Variants in DNAJB12 observed in about 807,000 individuals in gnomAD.
The protein encoded by DNAJB12 is DnaJ heat shock protein family (Hsp40) member B12, also known as dnaJ homolog subfamily B member 12.
In DNAJB12, 14 loss-of-function variants were observed where a neutral mutation model predicts 40.6. The ratio of observed to expected loss-of-function variants is 0.34; its 90% confidence interval spans 0.23 to 0.54. The LOEUF is 0.54. DNAJB12 is among the 20% of genes least tolerant of loss of function. DNAJB12 has a pLI of 0.92. For synonymous variants in DNAJB12, 181 were observed against 199.5 expected, an observed-to-expected ratio of 0.91 and a Z score of 0.78; for missense variants, 444 against 501.7, an observed-to-expected ratio of 0.89 and a Z score of 1.10.
rs1479889397 is a variant in DNAJB12, at chr10:72,335,994, T to G, written c.1007-63A>C. ...ACCTCCCGAAGCCTGCAAGGAAGCC[T>G]GCGAGGGCTGTGGAGGGCGGAGGAA... On this transcript the variant is annotated intron_variant, in intron 7 of 8. Transcript: ENST00000444643. This position sits in a 1 kb window ranked among gnomAD's most constrained non-coding sequence, Gnocchi z 4.4. The G allele has an allele frequency of 6.3e-7, 1 of 1,596,042 alleles. No homozygotes were observed. Among genetic ancestry groups the G allele is most frequent in the Non-Finnish European group, 8.6e-7 (1 of 1,167,870 alleles).
rs771510268 is a variant in DNAJB12 at position 72,345,049 on chromosome 10, T to G, written c.212A>C (p.His71Pro). The G allele has an allele frequency of 1.9e-6, 3 of 1,614,100 alleles. No homozygotes were observed. The highest frequency in any genetic ancestry group is 2.5e-6 in the Non-Finnish European group (3 of 1,180,040). The part of the protein sequence containing the change: ...PPPTDTTHAT[H>P]RKAGGTDAPS... ...GGCATCGGTCCCACCTGCTTTCCTG[T>G]GGGTGGCATGGGTTGTGTCTGTGGG... The change falls in exon 2 of 9, where the codon CAC becomes CCC. Residue 71 changes from histidine to proline, a missense_variant. By Grantham distance (77) the His-to-Pro change is moderately conservative (BLOSUM62 -2). Coordinates refer to ENST00000444643, the MANE Select transcript of DNAJB12 (RefSeq NM_017626.7).
chr10:72,343,417 T>G lies in DNAJB12; in HGVS notation c.406A>C (p.Lys136Gln). Residue 136 changes from lysine to glutamine, a missense_variant, in exon 3 of 9, where the codon AAA (lysine) becomes CAA (glutamine). Lys to Gln is a moderately conservative substitution (Grantham distance 53). Transcript: ENST00000444643. ...GCGTGGTTCTTGTCTGGGTGGAATTTGAGGGCCAGTCTGCGGTAGGCCTTC... is the reference window on the plus strand; with the variant it reads ...GCGTGGTTCTTGTCTGGGTGGAATTGGAGGGCCAGTCTGCGGTAGGCCTTC... ...LKKAYRRLALKFHPDKNHAPG... is the reference protein window; with the variant it reads ...LKKAYRRLALQFHPDKNHAPG... The G allele has an allele frequency of 6.2e-7, 1 of 1,614,162 alleles. No homozygotes were observed. The highest frequency in any genetic ancestry group is 8.5e-7 in the Non-Finnish European group (1 of 1,180,012).
chr10:72,345,274 T>A, intron 1 of DNAJB12, 147 bp from the exon 2 acceptor site: 1 of 888,332 alleles, frequency 1.1e-6, no homozygotes, highest in Non-Finnish European at 1.7e-6. Flanking sequence ...GGGGGGACAG[T>A]CATCTGCTCT....
chr10:72,347,125 G>C (rs557620709), intron 1 of DNAJB12, among the ~76,000 whole-genome samples: 17 of 151,714 alleles, frequency 1.1e-4, no homozygotes, highest in South Asian at 2.1e-4. Context: ...CCACCACGCC[G>C]GCTAATTGTA....
chr10:72,346,976 CTTTT>C, intron 1 of DNAJB12, among the ~76,000 whole-genome samples: 1 of 112,998 alleles, frequency 8.8e-6, no homozygotes, highest in South Asian at 2.9e-4. Context: ...TTTTTTTTTT[CTTTT>C]TTGAGACGGA....
At chr10:72,349,715 A>G (rs1861888119) in intron 1 of DNAJB12, among the ~76,000 whole-genome samples, 1 of 152,166 alleles carries the variant, frequency 6.6e-6, no homozygotes, top group African/African-American at 2.4e-5. Flanking sequence ...CCTCTCAGAG[A>G]AGATTCTGGA....
intron 2 of DNAJB12, among the ~76,000 whole-genome samples, chr10:72,344,450 GTGGTCTCTGGCC>G (rs1861726735): frequency 6.6e-6 from 1 of 152,248 alleles, no homozygotes; most frequent in Non-Finnish European, 1.5e-5. Context: ...CCTTGGCTGG[GTGGTCTCTGGCC>G]TGGTAGCGAG....
chr10:72,347,013 G>A (rs1043188328), intron 1 of DNAJB12, among the ~76,000 whole-genome samples: 1 of 149,984 alleles, frequency 6.7e-6, no homozygotes, highest in African/African-American at 2.5e-5. Context: ...TGCCCAGGCT[G>A]GAGTGCAATG....
Position 72,335,992 on chromosome 10 carries a change from C to A in DNAJB12, c.1007-61G>T. 1 of 1,596,948 alleles carries A rather than the reference C, an allele frequency of 6.3e-7. No homozygotes were observed. The highest frequency in any genetic ancestry group is 8.6e-7 in the Non-Finnish European group (1 of 1,168,422). ...GTACCTCCCGAAGCCTGCAAGGAAG[C>A]CTGCGAGGGCTGTGGAGGGCGGAGG... On this transcript the variant is annotated intron_variant, in intron 7 of 8. Transcript: ENST00000444643. This position sits in a 1 kb window ranked among gnomAD's most constrained non-coding sequence, Gnocchi z 4.4.
intron 1 of DNAJB12, among the ~76,000 whole-genome samples, chr10:72,352,874 T>C (rs1446434770): frequency 2.0e-5 from 3 of 152,192 alleles, no homozygotes; most frequent in Non-Finnish European, 4.4e-5. Flanking sequence ...CGCCACCTAA[T>C]ATATCTGTAT....
At chr10:72,351,436 A>C (rs1861931809) in intron 1 of DNAJB12, among the ~76,000 whole-genome samples, 2 of 150,166 alleles carry the variant, frequency 1.3e-5, no homozygotes. Context: ...CTCTCTCGTG[A>C]CTCTCCCCTC....
At chr10:72,350,769 C>T (rs1040876645) in intron 1 of DNAJB12, among the ~76,000 whole-genome samples, 11 of 152,254 alleles carry the variant, frequency 7.2e-5, no homozygotes, top group East Asian at 3.9e-4. Flanking sequence ...AGTGGAGAGA[C>T]GATCTCTGCT....
intron 8 of DNAJB12, chr10:72,334,945 G>A: frequency 8.4e-7 from 1 of 1,187,392 alleles, no homozygotes; most frequent in Non-Finnish European, 1.0e-6. Context: ...CAAACGCTGG[G>A]AACAGAGCCC....
In DNAJB12 at chr10:72,342,246, G is replaced by A. The variant is rs115605117; in HGVS notation, c.458-1076C>T. 5.2e-3 allele frequency among the ~76,000 whole-genome samples: 792 copies of A among 152,320 alleles called. 6 individuals carry two copies. The highest frequency in any genetic ancestry group is 0.017 in the African/African-American group (720 of 41,562). On this transcript the variant is annotated intron_variant, in intron 3 of 8. Transcript: ENST00000444643. ...CCAGGGCCCCCTAGCCGGGACGGCT[G>A]TGCCCTGAAGGACCCCAGCTCTGAC...
intron 1 of DNAJB12, among the ~76,000 whole-genome samples, chr10:72,352,531 T>C (rs1463698852): frequency 6.6e-6 from 1 of 152,196 alleles, no homozygotes; most frequent in Non-Finnish European, 1.5e-5. Context: ...GATAATTTAA[T>C]GTTCAGGAGA....
intron 1 of DNAJB12, chr10:72,353,285 T>C (rs1479127103): frequency 6.6e-6 from 1 of 152,212 alleles, no homozygotes; most frequent in Non-Finnish European, 1.5e-5. Context: ...AGCTGGAGGA[T>C]ACCACCCCAC....
chr10:72,339,096 T>C (rs1861556644), intron 5 of DNAJB12, among the ~76,000 whole-genome samples: 1 of 150,824 alleles, frequency 6.6e-6, no homozygotes, highest in African/African-American at 2.5e-5. Flanking sequence ...TAAGACCCTA[T>C]CTCTACAAAA....
At chr10:72,340,726 G>A in intron 5 of DNAJB12, 63 bp downstream of exon 5, 1 of 1,526,160 alleles carries the variant, frequency 6.6e-7, no homozygotes, top group South Asian at 1.2e-5. Flanking sequence ...CCTCCTCCAA[G>A]CCCCCTCCCT....
intron 1 of DNAJB12, among the ~76,000 whole-genome samples, chr10:72,350,398 CAAAAAAAAAA>C (rs35316232): frequency 3.2e-4 from 9 of 27,802 alleles, no homozygotes; most frequent in African/African-American, 7.8e-4. Context: ...GACCCTGTCT[CAAAAAAAAAA>C]AAAAAAAAAA....
Sources: allele counts gnomAD v4.1 joint callset (sites outside exome capture counted in the v4.1 genomes callset), GRCh38; gene constraint gnomAD v4.1.1; non-coding constraint Gnocchi (gnomAD v3.1); transcripts MANE v1.5; gene names NCBI Gene and HGNC (gene_info 2026-07-23, HGNC 2026-07-21).